COL4A2: variants seen among roughly 807,000 people sequenced by gnomAD.
The protein encoded by COL4A2 is collagen type IV alpha 2 chain.
COL4A2 carries 99 observed loss-of-function variants against 200.2 expected under a neutral mutation model. The observed-to-expected ratio is 0.49, with a 90% CI of 0.42 to 0.58. The LOEUF is 0.58. COL4A2 is among the 20% of genes least tolerant of loss of function. The probability of loss-of-function intolerance (pLI) is 0.00; values close to 1 mark genes in which losing one functional copy is unlikely to be tolerated. For missense variants in COL4A2, 1,950 were observed against 2,314.1 expected, an observed-to-expected ratio of 0.84 and a Z score of 3.23; for synonymous variants, 897 against 900.6, an observed-to-expected ratio of 1.00 and a Z score of 0.07.
At chr13:110,331,789 C>T (rs1204850384) in intron 3 of COL4A2, among the ~76,000 whole-genome samples, 2 of 152,126 alleles carry the variant, frequency 1.3e-5, no homozygotes, top group Admixed American at 6.5e-5. Context: ...GATCTACTGG[C>T]CATTTGGTTA....
rs1883972077 is a variant in COL4A2, at chr13:110,508,737, G to C, written c.4881+516G>C. Among the ~76,000 whole-genome samples the C allele has an allele frequency of 6.6e-6, 1 of 152,172 alleles. No individual in the cohort carries two copies. The highest frequency in any genetic ancestry group is 6.5e-5 in the Admixed American group (1 of 15,282). On this transcript the variant is annotated intron_variant, in intron 47 of 47. Transcript: ENST00000360467. The surrounding 1 kb of genome is among the most constrained non-coding windows in gnomAD (Gnocchi z 6.1). ...AGCCTGTGGATACTTTGAAAGCCAGGAGAAGGTGCACAACCAGGACCTGGG... is the reference window on the plus strand; with the variant it reads ...AGCCTGTGGATACTTTGAAAGCCAGCAGAAGGTGCACAACCAGGACCTGGG...
chr13:110,466,250 G>A (rs573954263), intron 26 of COL4A2, among the ~76,000 whole-genome samples, 188 bp downstream of exon 26: 5 of 152,302 alleles, frequency 3.3e-5, no homozygotes, highest in South Asian at 4.1e-4. Context: ...TGGTAGAGAC[G>A]GAGAGACATT....
At chr13:110,313,581 T>G (rs1885051244) in intron 3 of COL4A2, among the ~76,000 whole-genome samples, 1 of 26,652 alleles carries the variant, frequency 3.8e-5, no homozygotes, top group African/African-American at 1.3e-4. Context: ...GTGCCCCGTG[T>G]CCACCCGGCA....
chr13:110,506,840 A>G (rs566625092), intron 46 of COL4A2, among the ~76,000 whole-genome samples: 6 of 152,274 alleles, frequency 3.9e-5, no homozygotes, highest in Admixed American at 6.5e-5. Context: ...TTAACCTGGT[A>G]TTGACTTCCG....
chr13:110,409,143 A>G (rs1400254356), intron 4 of COL4A2, among the ~76,000 whole-genome samples: 5 of 152,078 alleles, frequency 3.3e-5, no homozygotes, highest in Non-Finnish European at 7.4e-5. Flanking sequence ...GCACACACGC[A>G]CACATGTACA....
chr13:110,491,968 C>A (rs1038356613), intron 37 of COL4A2, 102 bp from the exon 38 acceptor site: 3 of 996,306 alleles, frequency 3.0e-6, no homozygotes, highest in African/African-American at 3.3e-5. Flanking sequence ...GCCCTTCCGG[C>A]CCTCGGCCCC....
intron 4 of COL4A2, among the ~76,000 whole-genome samples, chr13:110,362,609 C>T (rs943797845): frequency 1.3e-5 from 2 of 152,168 alleles, no homozygotes; most frequent in African/African-American, 2.4e-5. Context: ...GTGTGAGCCA[C>T]CACACCCAGC....
Position 110,491,137 on chromosome 13 carries a change from C to T in COL4A2, c.3347-96C>T, listed in dbSNP as rs537659865. ...ATGCCTCTCTCCATTCCTGAAGGAG[C>T]AGCAGTGTGGTTCTGCACATCCTAG... On this transcript the variant is annotated intron_variant, in intron 36 of 47. Transcript: ENST00000360467. The T allele has an allele frequency of 7.5e-5, 60 of 795,340 alleles. No individual in the cohort carries two copies. In the Admixed American group the frequency reaches 1.2e-3, roughly 16 times the overall value. 49.3% of individuals were successfully genotyped at this position (795,340 alleles called of 1,614,324 possible).
At chr13:110,389,679 A>G (rs1218288391) in intron 4 of COL4A2, among the ~76,000 whole-genome samples, 2 of 152,214 alleles carry the variant, frequency 1.3e-5, no homozygotes, top group Non-Finnish European at 2.9e-5. Context: ...ACCTCCCAGC[A>G]TGATTCTCCA....
In COL4A2 at chr13:110,436,194, C is replaced by T. The variant is rs564566399; in HGVS notation, c.727-75C>T. The T allele has an allele frequency of 3.1e-4, 504 of 1,604,392 alleles. No homozygotes were observed. In the African/African-American group the frequency reaches 3.2e-3, roughly 10 times the overall value. On this transcript the variant is annotated intron_variant, in intron 12 of 47. Transcript: ENST00000360467. ...AACATTAAAACTGCAGTATTTTGGCCAGGTTGTATTTGTATTCGAGTTTTG... is the reference window on the plus strand; with the variant it reads ...AACATTAAAACTGCAGTATTTTGGCTAGGTTGTATTTGTATTCGAGTTTTG...
intron 4 of COL4A2, among the ~76,000 whole-genome samples, chr13:110,363,689 G>C (rs1218790873): frequency 3.3e-5 from 5 of 152,176 alleles, no homozygotes; most frequent in African/African-American, 4.8e-5. Context: ...TCTCTAAGGA[G>C]AGCAGCGGTC....
At position 110,462,146 on chromosome 13, in the gene COL4A2, C is replaced by G; in HGVS notation, c.1629C>G (p.Pro543=). Residue 543 remains proline, a synonymous_variant, in exon 23 of 48, where the codon CCC becomes CCG. Transcript: ENST00000360467. ...CTGGCAACATTGGTGCTCCCGGACC[C>G]AAAGGAGCAAAAGGAGATTCCAGAA... The part of the protein sequence containing the change: ...GVPGNIGAPG[P]KGAKGDSRTI... 6.2e-7 allele frequency: 1 copy of G among 1,614,246 alleles called. No homozygotes were observed. Among genetic ancestry groups the G allele is most frequent in the Non-Finnish European group, 8.5e-7 (1 of 1,180,052 alleles).
At position 110,307,319 on chromosome 13, in the gene COL4A2, C is replaced by G. The variant is rs1473654587; in HGVS notation, c.-254C>G. On this transcript the variant is annotated 5_prime_UTR_variant, in exon 1 of 48. Coordinates refer to ENST00000360467, the MANE Select transcript of COL4A2 (RefSeq NM_001846.4). This position sits in a 1 kb window ranked among gnomAD's most constrained non-coding sequence, Gnocchi z 5.0. ...GCAGTGCGCCGGGACACCAGGGCTC[C>G]GCGCTCCGCACTCAAGAGGCTCCCG... 6.0e-6 allele frequency: 2 copies of G among 331,708 alleles called. No homozygotes were observed. Among genetic ancestry groups the G allele is most frequent in the Non-Finnish European group, 1.1e-5 (2 of 183,848 alleles). 20.5% of individuals were successfully genotyped at this position (331,708 alleles called of 1,614,324 possible). A position where few individuals can be genotyped will look rare whatever the true frequency, so the allele number is the denominator to read the frequency against.
At chr13:110,438,573 G>A (rs1281676553) in intron 14 of COL4A2, 45 bp from the exon 15 acceptor site, 9 of 1,613,250 alleles carry the variant, frequency 5.6e-6, no homozygotes, top group African/African-American at 1.3e-5. Context: ...TGGCTGGAGG[G>A]GCCGCCCCTG....
intron 4 of COL4A2, among the ~76,000 whole-genome samples, chr13:110,369,943 C>A (rs1877930640): frequency 6.6e-6 from 1 of 152,178 alleles, no homozygotes; most frequent in Non-Finnish European, 1.5e-5. Context: ...TCAATAGCTG[C>A]AATATACCCT....
At chr13:110,345,236 A>G (rs1876644331) in intron 3 of COL4A2, among the ~76,000 whole-genome samples, 1 of 152,236 alleles carries the variant, frequency 6.6e-6, no homozygotes, top group South Asian at 2.1e-4. Context: ...TACAAACGCA[A>G]GTTCTTTGCG....
At position 110,434,448 on chromosome 13, in the gene COL4A2, G is replaced by A; in HGVS notation, c.726+6G>A. The A allele has an allele frequency of 6.2e-7, 1 of 1,613,670 alleles. No individual in the cohort carries two copies. Among genetic ancestry groups the A allele is most frequent in the South Asian group, 1.1e-5 (1 of 91,018 alleles). On this transcript the variant is annotated splice_donor_region_variant and intron_variant, in intron 12 of 47. Coordinates refer to ENST00000360467, the MANE Select transcript of COL4A2 (RefSeq NM_001846.4). ...ACGGAGTTAAGGGTGAAAAGGTAAA[G>A]GAAGCCTGGTCAATTCCAGCAGAGG...
chr13:110,327,621 A>G (rs771630232), intron 3 of COL4A2, among the ~76,000 whole-genome samples: 2 of 152,168 alleles, frequency 1.3e-5, no homozygotes, highest in Non-Finnish European at 2.9e-5. Flanking sequence ...GTTGGGTTGG[A>G]AAACAAAGAA....
intron 4 of COL4A2, among the ~76,000 whole-genome samples, chr13:110,424,353 AG>A (rs1363583993): frequency 6.6e-6 from 1 of 150,820 alleles, no homozygotes; most frequent in Non-Finnish European, 1.5e-5. Flanking sequence ...ACATTTCCAC[AG>A]TTACTGGATG....
Sources: allele counts gnomAD v4.1 joint callset (sites outside exome capture counted in the v4.1 genomes callset), GRCh38; gene constraint gnomAD v4.1.1; non-coding constraint Gnocchi (gnomAD v3.1); transcripts MANE v1.5; gene names NCBI Gene and HGNC (gene_info 2026-07-23, HGNC 2026-07-21).